The following RPS6KA6 variants were observed in gnomAD, a reference collection of about 807,000 sequenced individuals.
The protein encoded by RPS6KA6 is ribosomal protein S6 kinase alpha-6.
Under a neutral mutation model 65.4 loss-of-function variants are expected in RPS6KA6, and 27 were observed. That is an observed-to-expected ratio of 0.41 (90% CI 0.30 to 0.57). The LOEUF is 0.57. Ranked by LOEUF, RPS6KA6 falls within the 20% of genes least tolerant of loss-of-function variation. RPS6KA6 has a pLI of 0.24. For missense variants in RPS6KA6, 486 were observed against 555.6 expected, an observed-to-expected ratio of 0.87 and a Z score of 1.26; for synonymous variants, 190 against 184.2, an observed-to-expected ratio of 1.03 and a Z score of -0.26.
intron 18 of RPS6KA6, among the ~76,000 whole-genome samples, chrX:84,098,368 A>C (rs1325207158): frequency 2.7e-5 from 3 of 111,550 alleles, no homozygotes; most frequent in Admixed American, 9.6e-5. Context: ...TGAAAACAGC[A>C]GTATATTTCT....
chrX:84,094,917 T>A (rs1044446213), intron 20 of RPS6KA6, among the ~76,000 whole-genome samples: 2 of 112,120 alleles, frequency 1.8e-5, no homozygotes, highest in Non-Finnish European at 3.8e-5. Flanking sequence ...AAATACATAT[T>A]TAATGAATAA....
chrX:84,091,235 C>T (rs1178624010), intron 20 of RPS6KA6, among the ~76,000 whole-genome samples: 1 of 112,227 alleles, frequency 8.9e-6, no homozygotes, highest in Non-Finnish European at 1.9e-5. Flanking sequence ...CTGCTTACTG[C>T]AAATTATAGT....
At chrX:84,158,033 C>T (rs2035445159) in intron 2 of RPS6KA6, among the ~76,000 whole-genome samples, 1 of 109,550 alleles carries the variant, frequency 9.1e-6, no homozygotes, top group Admixed American at 1.0e-4. Context: ...GTCCGAACAA[C>T]TAATTACCAT....
At chrX:84,163,406 G>A (rs1400310703) in intron 2 of RPS6KA6, among the ~76,000 whole-genome samples, 3 of 109,280 alleles carry the variant, frequency 2.7e-5, no homozygotes, top group East Asian at 2.9e-4. Context: ...TTGGGAGGCC[G>A]AGGCGGGTGG....
intron 20 of RPS6KA6, 44 bp downstream of exon 20, chrX:84,096,150 C>T (rs779989443): frequency 3.1e-5 from 26 of 825,868 alleles, no homozygotes; most frequent in Non-Finnish European, 4.4e-5. Flanking sequence ...GGGATTTGAG[C>T]AATTTAACAT....
intron 20 of RPS6KA6, among the ~76,000 whole-genome samples, chrX:84,069,941 A>C (rs966619538): frequency 1.8e-5 from 2 of 112,003 alleles, no homozygotes; most frequent in African/African-American, 6.5e-5. Context: ...GAGAAATAGG[A>C]ATGCTTTTAC....
At chrX:84,161,698 T>G (rs1368285930) in intron 2 of RPS6KA6, among the ~76,000 whole-genome samples, 1 of 111,857 alleles carries the variant, frequency 8.9e-6, no homozygotes, top group Non-Finnish European at 1.9e-5. Context: ...ATGTCAAGAA[T>G]GGTTTTTAAA....
intron 1 of RPS6KA6, chrX:84,186,924 C>T (rs1017657354): frequency 9.0e-6 from 1 of 111,605 alleles, no homozygotes; most frequent in African/African-American, 3.3e-5. Flanking sequence ...GCTTTTATAA[C>T]AACAATAAAA....
At chrX:84,086,770 C>T (rs889915282) in intron 20 of RPS6KA6, among the ~76,000 whole-genome samples, 2 of 110,818 alleles carry the variant, frequency 1.8e-5, no homozygotes, top group Non-Finnish European at 3.8e-5. Context: ...GTTCTAAAGT[C>T]GCCCACTATT....
At chrX:84,187,498 C>T in intron 1 of RPS6KA6, 1 of 218,027 alleles carries the variant, frequency 4.6e-6, no homozygotes, top group Non-Finnish European at 8.3e-6. Flanking sequence ...CGGAGTCAGG[C>T]ACAGCACCCC....
intron 2 of RPS6KA6, among the ~76,000 whole-genome samples, chrX:84,162,439 C>T (rs767010279): frequency 1.2e-4 from 13 of 111,582 alleles, no homozygotes; most frequent in Non-Finnish European, 2.5e-4. Context: ...AAATCAAATC[C>T]TTGGAAGTGA....
intron 20 of RPS6KA6, among the ~76,000 whole-genome samples, chrX:84,087,408 T>C (rs2147377402): frequency 9.0e-6 from 1 of 111,654 alleles, no homozygotes; most frequent in East Asian, 2.8e-4. Flanking sequence ...CTCCTTCGCT[T>C]GTGAAGTTTA....
At chrX:84,166,376 A>G (rs936472392) in intron 1 of RPS6KA6, among the ~76,000 whole-genome samples, 1 of 111,983 alleles carries the variant, frequency 8.9e-6, no homozygotes, top group African/African-American at 3.2e-5. Context: ...ATGAAATGAT[A>G]AAAGGTTCTC....
chrX:84,157,437 T>G (rs2035435576), intron 2 of RPS6KA6, among the ~76,000 whole-genome samples: 1 of 111,866 alleles, frequency 8.9e-6, no homozygotes, highest in Non-Finnish European at 1.9e-5. Flanking sequence ...GCTATGGAAG[T>G]GAATTTCCCT....
chrX:84,095,536 G>A (rs1003391513), intron 20 of RPS6KA6, among the ~76,000 whole-genome samples: 1 of 111,259 alleles, frequency 9.0e-6, no homozygotes, highest in Non-Finnish European at 1.9e-5. Flanking sequence ...TATTCACACG[G>A]CTTTAAGTAT....
intron 8 of RPS6KA6, among the ~76,000 whole-genome samples, chrX:84,122,741 G>A (rs1275146023): frequency 9.0e-6 from 1 of 111,355 alleles, no homozygotes; most frequent in Non-Finnish European, 1.9e-5. Context: ...GTGCTCTGGG[G>A]TCCTAGGTAA....
intron 12 of RPS6KA6, among the ~76,000 whole-genome samples, chrX:84,108,867 C>T (rs774454021): frequency 3.8e-4 from 43 of 112,020 alleles, no homozygotes; most frequent in Non-Finnish European, 5.3e-4. Context: ...GCAGAATGCA[C>T]GCTGCAAAGA....
intron 12 of RPS6KA6, among the ~76,000 whole-genome samples, chrX:84,108,233 T>C (rs1012155690): frequency 4.5e-5 from 5 of 112,112 alleles, no homozygotes; most frequent in African/African-American, 1.6e-4. Flanking sequence ...TAAAAGCCAC[T>C]TCTTTTGAAA....
At chrX:84,090,891 G>A (rs970605078) in intron 20 of RPS6KA6, among the ~76,000 whole-genome samples, 8 of 111,593 alleles carry the variant, frequency 7.2e-5, no homozygotes, top group African/African-American at 2.6e-4. Flanking sequence ...GCTTTCCTTC[G>A]AGCCTTCAAT....
Sources: allele counts gnomAD v4.1 joint callset (sites outside exome capture counted in the v4.1 genomes callset), GRCh38; gene constraint gnomAD v4.1.1; transcripts MANE v1.5; gene names NCBI Gene and HGNC (gene_info 2026-07-23, HGNC 2026-07-21).